The following POLE3 variants were observed in gnomAD, a reference collection of about 807,000 sequenced individuals.
POLE3 encodes the protein DNA polymerase epsilon 3, accessory subunit, also known as DNA polymerase epsilon subunit 3.
POLE3 carries 10 observed loss-of-function variants against 16.1 expected under a neutral mutation model. That is an observed-to-expected ratio of 0.62 (90% CI 0.38 to 1.05). The LOEUF (loss-of-function observed/expected upper bound fraction) is 1.05. POLE3 is among the 50% of genes least tolerant of loss of function. The pLI is 0.01. For missense variants in POLE3, 169 were observed against 185.0 expected (o/e 0.91, Z 0.50); for synonymous variants, 83 against 71.0 (o/e 1.17, Z -0.85).
intron 4 of POLE3, among the ~76,000 whole-genome samples, chr9:113,409,267 G>A (rs977562925): frequency 1.3e-5 from 2 of 150,986 alleles, no homozygotes; most frequent in Non-Finnish European, 2.9e-5. Flanking sequence ...GGCTGAGGCA[G>A]GAGAATTGCT....
intron 4 of POLE3, among the ~76,000 whole-genome samples, chr9:113,409,359 C>CAAAAA (rs35481754): frequency 2.7e-4 from 24 of 89,482 alleles, no homozygotes; most frequent in African/African-American, 4.1e-4. Flanking sequence ...GACTCCGTCT[C>CAAAAA]AAAAAAAAAA....
rs756555296 is a variant in POLE3 at position 113,408,874 on chromosome 9, A to G, written c.381T>C (p.Asn127=). 3.7e-6 allele frequency: 6 copies of G among 1,611,972 alleles called. No homozygotes were observed. The highest frequency in any genetic ancestry group is 3.3e-5 in the Admixed American group (2 of 59,726). Residue 127 remains asparagine (N), a synonymous_variant, in exon 5 of 5, where the codon AAT becomes AAC. Transcript: ENST00000374171. ...CTTCCAGCCTTTCTTCGTCTTCATC[A>G]TTGTCCTCATCCCTGCTCTTGTCTT... The part of the protein sequence containing the change: ...EEQDKSRDED[N]DEDEERLEEE...
At chr9:113,409,498 T>C in intron 4 of POLE3, 112 bp downstream of exon 4, 14 of 695,256 alleles carry the variant, frequency 2.0e-5, no homozygotes, top group Non-Finnish European at 3.4e-5. Flanking sequence ...TCACATCAAG[T>C]GCTGGCTTAC....
intron 4 of POLE3, among the ~76,000 whole-genome samples, chr9:113,409,283 C>T (rs1296624016): frequency 2.7e-5 from 4 of 150,808 alleles, no homozygotes; most frequent in Non-Finnish European, 5.9e-5. Context: ...TTGCTTGAAC[C>T]CAGGAGGAGG....
chr9:113,407,889 C>T lies in POLE3; in HGVS notation c.*922G>A, dbSNP rs1827973895. 1 of 152,534 alleles carries T rather than the reference C, an allele frequency of 6.6e-6. No homozygotes were observed. The highest frequency in any genetic ancestry group is 2.4e-5 in the African/African-American group (1 of 41,400). The allele number at this position is 152,534 out of a possible 1,614,324, so 9.4% of individuals were successfully genotyped here. ...GGAGAGAGAAAGGAAGCAGGAGGCA[C>T]AGAGGGAGAAAGCTGTGCCTAGAGA... On this transcript the variant is annotated 3_prime_UTR_variant, in exon 5 of 5. Coordinates refer to ENST00000374171, the MANE Select transcript of POLE3 (RefSeq NM_017443.5).
At position 113,409,702 on chromosome 9, in the gene POLE3, T is replaced by C. The variant is rs1363358135; in HGVS notation, c.179A>G (p.Lys60Arg). 3.1e-6 allele frequency: 5 copies of C among 1,612,590 alleles called. No individual in the cohort carries two copies. Among genetic ancestry groups the C allele is most frequent in the Admixed American group, 3.3e-5 (2 of 60,018 alleles). The change falls in exon 4 of 5, where the codon AAG (lysine) becomes AGG (arginine). Residue 60 changes from lysine (K) to arginine (R), a missense_variant. Transcript: ENST00000374171. ...SCANNFAMKG[K>R]RKTLNASDVL... ...ATCACTGGCATTCAGCGTCTTCCGC[T>C]TTCCTTTCATTGCAAAGTTGTTAGC... is the stretch of plus-strand genomic sequence containing the variant.
chr9:113,407,894 G>A lies in POLE3; in HGVS notation c.*917C>T, dbSNP rs1308445687. The A allele has an allele frequency of 6.6e-6, 1 of 152,604 alleles. No homozygotes were observed. Among genetic ancestry groups the A allele is most frequent in the Non-Finnish European group, 1.5e-5 (1 of 68,056 alleles). 9.5% of individuals were successfully genotyped at this position (152,604 alleles called of 1,614,324 possible). A position where few individuals can be genotyped will look rare whatever the true frequency, so the allele number is the denominator to read the frequency against. The stretch of plus-strand genomic sequence containing the variant: ...GAGAAAGGAAGCAGGAGGCACAGAG[G>A]GAGAAAGCTGTGCCTAGAGAAAATC... On this transcript the variant is annotated 3_prime_UTR_variant, in exon 5 of 5. Coordinates refer to ENST00000374171, the MANE Select transcript of POLE3 (RefSeq NM_017443.5).
intron 3 of POLE3, 143 bp downstream of exon 3, chr9:113,409,912 G>A: frequency 1.3e-6 from 1 of 767,226 alleles, no homozygotes; most frequent in East Asian, 2.7e-5. Flanking sequence ...GTGTTATTTT[G>A]CTTCAGAACT....
At chr9:113,409,232 C>T (rs538188319) in intron 4 of POLE3, among the ~76,000 whole-genome samples, 8 of 151,908 alleles carry the variant, frequency 5.3e-5, no homozygotes, top group Middle Eastern at 3.4e-3. Context: ...TGGTGGCGTG[C>T]GCCTGTAGTC....
At position 113,407,948 on chromosome 9, in the gene POLE3, ATGAAAAGC is replaced by A; in HGVS notation, c.*855_*862del. ...TTTGGCACTCGTCATGAATTGAAGA[ATGAAAAGC>A]CATAGTCACAAGTCTGGGAGATGGA... On this transcript the variant is annotated 3_prime_UTR_variant, in exon 5 of 5. Transcript: ENST00000374171. The A allele has an allele frequency of 6.5e-6, 1 of 152,770 alleles. No individual in the cohort carries two copies. 9.5% of individuals were successfully genotyped at this position (152,770 alleles called of 1,614,324 possible).
At position 113,410,633 on chromosome 9, in the gene POLE3, A is replaced by C; in HGVS notation, c.-132T>G. ...CCTTCTCACCAACTTATTTGGCTCA[A>C]TGGAGCTTCCGTCCGTTTCCCATGG... On this transcript the variant is annotated 5_prime_UTR_variant, in exon 1 of 5. Transcript: ENST00000374171. 2.4e-5 allele frequency: 9 copies of C among 374,534 alleles called. No homozygotes were observed. The highest frequency in any genetic ancestry group is 1.0e-4 in the East Asian group (2 of 20,068). 23.2% of individuals were successfully genotyped at this position (374,534 alleles called of 1,614,324 possible). A position where few individuals can be genotyped will look rare whatever the true frequency, so the allele number is the denominator to read the frequency against.
chr9:113,410,213 C>G lies in POLE3; in HGVS notation c.66+15G>C, dbSNP rs772518018. On this transcript the variant is annotated intron_variant, in intron 2 of 4. Transcript: ENST00000374171. Reference sequence around the variant, plus strand: ...TCCCTCCTGCCCGTTCGTCCGCCCCCCCCGAGCTGCTCACCGCCTCCTTGA... The same window carrying G: ...TCCCTCCTGCCCGTTCGTCCGCCCCGCCCGAGCTGCTCACCGCCTCCTTGA... The G allele has an allele frequency of 1.2e-6, 2 of 1,613,340 alleles. No homozygotes were observed. The highest frequency in any genetic ancestry group is 2.2e-5 in the South Asian group (2 of 90,882).
intron 4 of POLE3, 104 bp from the exon 5 acceptor site, chr9:113,409,087 C>T (rs1156741240): frequency 6.7e-6 from 7 of 1,039,356 alleles, no homozygotes; most frequent in Middle Eastern, 3.0e-4. Context: ...GGCAGATGGG[C>T]GCGGTGGCTC....
chr9:113,410,456 C>T, intron 1 of POLE3, 48 bp from the exon 2 acceptor site: 1 of 636,452 alleles, frequency 1.6e-6, no homozygotes, highest in African/African-American at 1.8e-5. Context: ...CCTCCTCCCC[C>T]CACAGCCCCG....
Position 113,409,645 on chromosome 9 carries a change from T to G in POLE3, c.236A>C (p.Gln79Pro), listed in dbSNP as rs1300266005. ...VLSAMEEMEF[Q>P]RFVTPLKEAL... ...TTCTTTCAATGGGGTAACGAACCGCTGGAACTCCATCTCTTCCATGGCTGA... is the reference window on the plus strand; with the variant it reads ...TTCTTTCAATGGGGTAACGAACCGCGGGAACTCCATCTCTTCCATGGCTGA... Residue 79 changes from glutamine (Q) to proline (P), a missense_variant, in exon 4 of 5, where the codon CAG (glutamine) becomes CCG (proline). Physicochemically the swap from Gln to Pro is moderately conservative, Grantham distance 76 (BLOSUM62 -1). Transcript: ENST00000374171. 20 of 1,612,780 alleles carry G rather than the reference T, an allele frequency of 1.2e-5. No homozygotes were observed. In the South Asian group the frequency reaches 2.0e-4, roughly 16 times the overall value.
chr9:113,409,771 G>T (rs763373250), intron 3 of POLE3, 43 bp from the exon 4 acceptor site: 8 of 1,296,904 alleles, frequency 6.2e-6, no homozygotes, highest in Middle Eastern at 1.9e-4. Context: ...TTGTTTGTAA[G>T]GCGTGAGTGG....
Position 113,410,144 on chromosome 9 carries a change from C to G in POLE3, c.67-4G>C, listed in dbSNP as rs1564391894. ...AGATGTTGACACCGTCCGGGAGCTG[C>G]GAGGAGACCGGGGGTGAGCAAAGCT... On this transcript the variant is annotated splice_polypyrimidine_tract_variant and splice_region_variant and intron_variant, in intron 2 of 4. Coordinates refer to ENST00000374171, the MANE Select transcript of POLE3 (RefSeq NM_017443.5). 12 of 1,601,208 alleles carry G rather than the reference C, an allele frequency of 7.5e-6. No individual in the cohort carries two copies. The highest frequency in any genetic ancestry group is 1.0e-5 in the Non-Finnish European group (12 of 1,174,340).
Position 113,408,598 on chromosome 9 carries a change from C to G in POLE3, c.*213G>C, listed in dbSNP as rs1404353558. 9 of 455,064 alleles carry G rather than the reference C, an allele frequency of 2.0e-5. No individual in the cohort carries two copies. Among genetic ancestry groups the G allele is most frequent in the Non-Finnish European group, 3.6e-5 (9 of 251,418 alleles). 28.2% of individuals were successfully genotyped at this position (455,064 alleles called of 1,614,324 possible). ...CCTCTTGTCAAAAGGCCATAACCTT[C>G]AGATTGATGAAGCAAAACAGGATTC... On this transcript the variant is annotated 3_prime_UTR_variant, in exon 5 of 5. Transcript: ENST00000374171.
chr9:113,409,584 G>A, intron 4 of POLE3, 26 bp downstream of exon 4: 2 of 1,309,564 alleles, frequency 1.5e-6, no homozygotes, highest in Non-Finnish European at 2.2e-6. Context: ...TCTTCTATGT[G>A]GTTTAGAAGA....
Sources: allele counts gnomAD v4.1 joint callset (sites outside exome capture counted in the v4.1 genomes callset), GRCh38; gene constraint gnomAD v4.1.1; transcripts MANE v1.5; gene names NCBI Gene and HGNC (gene_info 2026-07-23, HGNC 2026-07-21).